Variants in DDX46 observed in about 807,000 individuals in gnomAD.
The protein encoded by DDX46 is DEAD-box helicase 46, also known as probable ATP-dependent RNA helicase DDX46.
A neutral mutation model predicts 134.9 loss-of-function variants in DDX46; 30 were observed. The ratio of observed to expected loss-of-function variants is 0.22; its 90% CI spans 0.17 to 0.30. The LOEUF (loss-of-function observed/expected upper bound fraction) is 0.30, where lower values mean the gene tolerates loss of function less well. Ranked by LOEUF, DDX46 falls within the 10% of genes least tolerant of loss-of-function variation. The probability of loss-of-function intolerance (pLI) is 1.00; values close to 1 mark genes in which losing one functional copy is unlikely to be tolerated. For missense variants in DDX46, 622 were observed against 1,248.7 expected (o/e 0.50, Z 7.56); for synonymous variants, 415 against 404.1 (o/e 1.03, Z -0.32).
At chr5:134,763,863 A>G in intron 1 of DDX46, 41 bp from the exon 2 acceptor site, 1 of 1,560,300 alleles carries the variant, frequency 6.4e-7, no homozygotes, top group Non-Finnish European at 8.7e-7. Flanking sequence ...AATAGAAGCT[A>G]ATGGTGTTTG....
intron 1 of DDX46, among the ~76,000 whole-genome samples, chr5:134,763,190 A>G (rs1753449620): frequency 2.6e-5 from 4 of 152,216 alleles, no homozygotes; most frequent in Admixed American, 2.0e-4. Context: ...CTGTGAGCAC[A>G]TCACTGCACT....
At chr5:134,766,597 T>C (rs1246735714) in intron 2 of DDX46, among the ~76,000 whole-genome samples, 1 of 151,340 alleles carries the variant, frequency 6.6e-6, no homozygotes, top group Non-Finnish European at 1.5e-5. Flanking sequence ...GATGCACATC[T>C]GTAATCCCAG....
At chr5:134,780,138 G>GTA (rs1554148820) in intron 6 of DDX46, among the ~76,000 whole-genome samples, 30 of 142,424 alleles carry the variant, frequency 2.1e-4, no homozygotes, top group East Asian at 6.4e-4. Flanking sequence ...GTGTGTGTGT[G>GTA]TATATGTATA....
At chr5:134,806,005 G>T (rs998907701) in intron 15 of DDX46, among the ~76,000 whole-genome samples, 1 of 151,402 alleles carries the variant, frequency 6.6e-6, no homozygotes, top group Admixed American at 6.6e-5. Flanking sequence ...CCAAGGTCAG[G>T]AGTTCAAGAC....
intron 2 of DDX46, among the ~76,000 whole-genome samples, chr5:134,765,866 T>C (rs1753552233): frequency 6.6e-6 from 1 of 152,242 alleles, no homozygotes; most frequent in Non-Finnish European, 1.5e-5. Context: ...TTTGTGGTCC[T>C]AGGAACAATT....
Position 134,758,847 on chromosome 5 carries a change from T to C in DDX46, c.-92T>C. On this transcript the variant is annotated 5_prime_UTR_variant, in exon 1 of 23. Coordinates refer to ENST00000452510, the MANE Select transcript of DDX46 (RefSeq NM_001300860.2). ...TGCTGCTAGTGTTTAGCGCTGGTCT[T>C]TGCCGGGCGTTGAGGGCAGCTCAGC... The C allele has an allele frequency of 6.3e-7, 1 of 1,596,958 alleles. No individual in the cohort carries two copies. Among genetic ancestry groups the C allele is most frequent in the Non-Finnish European group, 8.6e-7 (1 of 1,165,544 alleles).
At chr5:134,765,381 TAA>T (rs751912543) in intron 2 of DDX46, among the ~76,000 whole-genome samples, 30 of 97,274 alleles carry the variant, frequency 3.1e-4, no homozygotes, top group Admixed American at 4.4e-4. Flanking sequence ...CCGTCTCTAC[TAA>T]AAAAAAAAAA....
At chr5:134,765,405 T>C (rs2150129361) in intron 2 of DDX46, among the ~76,000 whole-genome samples, 1 of 146,492 alleles carries the variant, frequency 6.8e-6, no homozygotes, top group African/African-American at 2.5e-5. Flanking sequence ...AAAAAAAAAT[T>C]AGCCAGGTGT....
At chr5:134,768,675 T>A (rs1753658690) in intron 3 of DDX46, among the ~76,000 whole-genome samples, 1 of 152,220 alleles carries the variant, frequency 6.6e-6, no homozygotes, top group South Asian at 2.1e-4. Context: ...ACATTAAAAT[T>A]AAGAAATTTT....
At chr5:134,788,300 A>G (rs903932843) in intron 11 of DDX46, among the ~76,000 whole-genome samples, 3 of 151,972 alleles carry the variant, frequency 2.0e-5, no homozygotes, top group Admixed American at 6.6e-5. Flanking sequence ...GGCAAATCAA[A>G]TTTGCAGAAT....
At chr5:134,798,223 C>T (rs189540645) in intron 15 of DDX46, among the ~76,000 whole-genome samples, 1 of 142,806 alleles carries the variant, frequency 7.0e-6, no homozygotes, top group African/African-American at 2.5e-5. Context: ...CAGGGTCTTG[C>T]TCTGTCACCC....
intron 19 of DDX46, 180 bp from the exon 20 acceptor site, chr5:134,817,316 A>G (rs1755311583): frequency 5.0e-6 from 3 of 597,746 alleles, no homozygotes; most frequent in Non-Finnish European, 8.4e-6. Context: ...GAGGTACATT[A>G]AACTACATTA....
chr5:134,820,145 C>T (rs1466089552), intron 21 of DDX46, among the ~76,000 whole-genome samples: 1 of 152,066 alleles, frequency 6.6e-6, no homozygotes, highest in Non-Finnish European at 1.5e-5. Flanking sequence ...TGGTCTCAAA[C>T]TCCTGACCTC....
At chr5:134,784,837 G>T in intron 10 of DDX46, 1 of 184,146 alleles carries the variant, frequency 5.4e-6, no homozygotes, top group Non-Finnish European at 1.1e-5. Flanking sequence ...TTTATATTGA[G>T]GTTTGTTAGC....
chr5:134,810,182 G>A (rs1755102197), intron 16 of DDX46, among the ~76,000 whole-genome samples: 1 of 151,728 alleles, frequency 6.6e-6, no homozygotes, highest in Non-Finnish European at 1.5e-5. Context: ...CCAAGTGCTG[G>A]GATTACAGGT....
intron 15 of DDX46, among the ~76,000 whole-genome samples, chr5:134,802,943 C>A (rs1357565563): frequency 6.6e-6 from 1 of 152,126 alleles, no homozygotes; most frequent in African/African-American, 2.4e-5. Flanking sequence ...CAGAACCCAG[C>A]ATCCAAACTC....
chr5:134,810,624 G>A (rs1018651363), intron 16 of DDX46, among the ~76,000 whole-genome samples: 4 of 151,726 alleles, frequency 2.6e-5, no homozygotes, highest in African/African-American at 7.3e-5. Context: ...GATTACAGGC[G>A]TGAGCCACTG....
At chr5:134,782,167 A>G in intron 8 of DDX46, 81 bp downstream of exon 8, 1 of 1,332,318 alleles carries the variant, frequency 7.5e-7, no homozygotes, top group Non-Finnish European at 1.0e-6. Flanking sequence ...AAATGTGGAT[A>G]GTGTCTCATG....
chr5:134,820,491 T>C (rs1219430164), intron 21 of DDX46, among the ~76,000 whole-genome samples: 2 of 151,752 alleles, frequency 1.3e-5, no homozygotes, highest in Non-Finnish European at 2.9e-5. Context: ...GCCTCCTGGG[T>C]AGCTGGGACC....
Sources: gnomAD v4.1 joint callset for allele counts (sites outside exome capture counted in the v4.1 genomes callset) on GRCh38, gnomAD v4.1.1 for gene constraint, MANE v1.5 for transcripts, NCBI Gene and HGNC (gene_info 2026-07-23, HGNC 2026-07-21) for gene names.